Variants in ASPM observed in about 807,000 individuals in gnomAD.
ASPM encodes assembly factor for spindle microtubules.
ASPM carries 256 observed loss-of-function variants against 366.4 expected under a neutral mutation model. The observed-to-expected ratio is 0.70, with a 90% CI of 0.63 to 0.77. The LOEUF (loss-of-function observed/expected upper bound fraction) is 0.77, where lower values mean the gene tolerates loss of function less well. Among genes scored for constraint, ASPM ranks in the 30% least tolerant of loss-of-function variants. The pLI is 0.00. For synonymous variants in ASPM, 1,414 were observed against 1,342.9 expected (o/e 1.05, Z -1.16); for missense variants, 4,146 against 4,090.4 (o/e 1.01, Z -0.37).
chr1:197,122,306 T>C lies in ASPM; in HGVS notation c.3599-5A>G, dbSNP rs2125104327. On this transcript the variant is annotated splice_polypyrimidine_tract_variant and splice_region_variant and intron_variant, in intron 14 of 27. Coordinates refer to ENST00000367409, the MANE Select transcript of ASPM (RefSeq NM_018136.5). ...TGTATAGCTCTGAAGTATTTTCTAT[T>C]ATGCAGGAGGAAAGGAGAAATTAGC... The C allele has an allele frequency of 1.9e-6, 3 of 1,613,760 alleles. No homozygotes were observed. The highest frequency in any genetic ancestry group is 2.2e-5 in the East Asian group (1 of 44,858).
At chr1:197,106,566 C>T (rs770875011) in intron 17 of ASPM, among the ~76,000 whole-genome samples, 5 of 152,020 alleles carry the variant, frequency 3.3e-5, no homozygotes, top group Non-Finnish European at 7.4e-5. Flanking sequence ...ACTTTTTCTA[C>T]ATTACTATTA....
chr1:197,132,245 TA>T (rs754682512), intron 7 of ASPM, 39 bp downstream of exon 7: 10 of 1,463,422 alleles, frequency 6.8e-6, no homozygotes, highest in Non-Finnish European at 9.3e-6. Flanking sequence ...AAGTATATAA[TA>T]AAAAAATATT....
At position 197,103,417 on chromosome 1, in the gene ASPM, A is replaced by G. The variant is rs770803118; in HGVS notation, c.5834T>C (p.Ile1945Thr). ...TAGRKQCMEYIELRHAVLVLQ... is the reference protein window; with the variant it reads ...TAGRKQCMEYTELRHAVLVLQ... Reference sequence around the variant, plus strand: ...CACCAGTACCGCATGACGGAGTTCAATATACTCCATACATTGCTTCCTTCC... The same window carrying G: ...CACCAGTACCGCATGACGGAGTTCAGTATACTCCATACATTGCTTCCTTCC... Residue 1945 changes from isoleucine (I) to threonine (T), a missense_variant, in exon 18 of 28, where the codon ATT becomes ACT. Ile to Thr is a moderately conservative substitution (Grantham distance 89). Transcript: ENST00000367409. The G allele has an allele frequency of 3.1e-6, 5 of 1,613,100 alleles. No individual in the cohort carries two copies. The highest frequency in any genetic ancestry group is 4.2e-6 in the Non-Finnish European group (5 of 1,179,460).
In ASPM at chr1:197,122,056, C is replaced by G. The variant is rs1434563589; in HGVS notation, c.3742-13G>C. 6.2e-7 allele frequency: 1 copy of G among 1,610,526 alleles called. No homozygotes were observed. The highest frequency in any genetic ancestry group is 1.3e-5 in the African/African-American group (1 of 74,752). ...AGGTAATAACCACCTAAAAAAAACC[C>G]ACAAAAGATAAAAACAGAATATCAA... On this transcript the variant is annotated splice_polypyrimidine_tract_variant and intron_variant, in intron 15 of 27. Transcript: ENST00000367409.
At position 197,124,273 on chromosome 1, in the gene ASPM, G is replaced by C. The variant is rs765821387; in HGVS notation, c.3227C>G (p.Thr1076Arg). The change falls in exon 13 of 28, where the codon ACA (threonine) becomes AGA (arginine). Residue 1076 changes from threonine to arginine, a missense_variant. This residue lies in a region of ASPM where 3,624 missense variants were observed against 3,591.7 expected (regional missense o/e 1.01). Transcript: ENST00000367409. ...AGATATTGTTTTCTTTATACTCTTT[G>C]TGTGTTTTAGAAAGGCAATTTCTTC... Reference protein sequence around the residue: ...LKEEIAFLKHTKSIKKTISLL... With the variant: ...LKEEIAFLKHRKSIKKTISLL... 6.2e-7 allele frequency: 1 copy of C among 1,605,700 alleles called. No homozygotes were observed. Among genetic ancestry groups the C allele is most frequent in the South Asian group, 1.1e-5 (1 of 90,528 alleles).
At chr1:197,089,852 G>T in intron 25 of ASPM, 78 bp downstream of exon 25, 1 of 1,380,852 alleles carries the variant, frequency 7.2e-7, no homozygotes, top group Non-Finnish European at 1.0e-6. Flanking sequence ...AAGCCCTAGT[G>T]ATGAGTAAAC....
Position 197,102,774 on chromosome 1 carries a change from C to A in ASPM, c.6477G>T (p.Gln2159His). 1 of 1,612,474 alleles carries A rather than the reference C, an allele frequency of 6.2e-7. No individual in the cohort carries two copies. The highest frequency in any genetic ancestry group is 8.5e-7 in the Non-Finnish European group (1 of 1,179,190). The change falls in exon 18 of 28, where the codon CAG becomes CAT. Residue 2159 changes from glutamine (Q) to histidine (H), a missense_variant. Gln to His is a conservative substitution (Grantham distance 24). This residue lies in a region of ASPM where 3,624 missense variants were observed against 3,591.7 expected (regional missense o/e 1.01). Coordinates refer to ENST00000367409, the MANE Select transcript of ASPM (RefSeq NM_018136.5). ...RCRAYYQGKM[Q>H]REKYLTILKA... ...TCAAAATTGTCAGGTACTTTTCACG[C>A]TGCATTTTACCTTGATAATATGCTC...
chr1:197,135,396 G>C (rs1658386708), intron 4 of ASPM, among the ~76,000 whole-genome samples, 154 bp from the exon 5 acceptor site: 1 of 151,944 alleles, frequency 6.6e-6, no homozygotes, highest in South Asian at 2.1e-4. Flanking sequence ...AAGCATTTTG[G>C]GTAAGAAATG....
Position 197,101,639 on chromosome 1 carries a change from G to A in ASPM, c.7612C>T (p.Gln2538Ter), listed in dbSNP as rs587783268. The A allele has an allele frequency of 6.2e-7, 1 of 1,611,798 alleles. No individual in the cohort carries two copies. The highest frequency in any genetic ancestry group is 8.5e-7 in the Non-Finnish European group (1 of 1,179,080). ...GCTTTCATTCCTTTATATGCAGCCT[G>A]AATAACCACAGCAGAATGCCATTGT... ...IRQWHSAVVI[Q>*]AAYKGMKARQ... is the part of the protein sequence containing the mutation. The change falls in exon 18 of 28, where the codon CAG becomes TAG. Residue 2538 changes from glutamine to a stop codon, truncating the protein, a stop_gained. Transcript: ENST00000367409. LOFTEE classifies it high-confidence loss of function.
In ASPM at chr1:197,142,351, A is replaced by T; in HGVS notation, c.1901T>A (p.Leu634Ter). 6.2e-7 allele frequency: 1 copy of T among 1,613,764 alleles called. No homozygotes were observed. Among genetic ancestry groups the T allele is most frequent in the Non-Finnish European group, 8.5e-7 (1 of 1,179,730 alleles). ...CTCACCAGTTTTCTTCTTCAGGTTT[A>T]ATTTCTCTCTGTTGCTAATACGTTT... is the stretch of plus-strand genomic sequence containing the variant. ...ISKRISNREK[L>*]NLKKKTDLSI... is the part of the protein sequence containing the mutation. Residue 634 changes from leucine (L) to a stop codon, truncating the protein, a stop_gained, in exon 3 of 28, where the codon TTA (leucine) becomes TAA (stop). Transcript: ENST00000367409. LOFTEE classifies it high-confidence loss of function.
rs758203644 is a variant in ASPM at position 197,146,221 on chromosome 1, C to T, written c.217G>A (p.Glu73Lys). Reference sequence around the variant, plus strand: ...TGGGAGATCTTCACTTCTGCCACCTCCTCGTTAGGGTTGTCTAGGGCCAGA... The same window carrying T: ...TGGGAGATCTTCACTTCTGCCACCTTCTCGTTAGGGTTGTCTAGGGCCAGA... ...LSLALDNPNE[E>K]VAEVKISHFP... is the part of the protein sequence containing the mutation. Residue 73 changes from glutamate to lysine, a missense_variant, in exon 1 of 28, where the codon GAG becomes AAG. Transcript: ENST00000367409. 9 of 1,614,022 alleles carry T rather than the reference C, an allele frequency of 5.6e-6. No homozygotes were observed. Among genetic ancestry groups the T allele is most frequent in the Non-Finnish European group, 7.6e-6 (9 of 1,180,040 alleles).
chr1:197,100,420 TATAGAA>T lies in ASPM; in HGVS notation c.8820+5_8820+10del. The stretch of plus-strand genomic sequence containing the variant: ...CTCACAGTTTTATATTTAAATTAAA[TATAGAA>T]ATACCTGAATTTTTATGGTGCTATT... On this transcript the variant is annotated splice_donor_5th_base_variant and intron_variant, in intron 18 of 27. Coordinates refer to ENST00000367409, the MANE Select transcript of ASPM (RefSeq NM_018136.5). 6.9e-7 allele frequency: 1 copy of T among 1,447,030 alleles called. No homozygotes were observed. The highest frequency in any genetic ancestry group is 9.4e-7 in the Non-Finnish European group (1 of 1,069,246). The allele number at this position is 1,447,030 out of a possible 1,614,324, so 89.6% of individuals were successfully genotyped here.
intron 17 of ASPM, 60 bp downstream of exon 17, chr1:197,117,726 CCTT>C: frequency 2.2e-6 from 3 of 1,380,692 alleles, no homozygotes; most frequent in Non-Finnish European, 2.0e-6. Context: ...TCACATTTTG[CCTT>C]CTTACTTAAA....
In ASPM at chr1:197,089,970, A is replaced by G. The variant is rs781672198; in HGVS notation, c.9944T>C (p.Val3315Ala). 6.2e-7 allele frequency: 1 copy of G among 1,613,442 alleles called. No homozygotes were observed. Among genetic ancestry groups the G allele is most frequent in the Admixed American group, 1.7e-5 (1 of 59,976 alleles). Residue 3315 changes from valine (V) to alanine (A), a missense_variant, in exon 25 of 28, where the codon GTC becomes GCC. By Grantham distance (64) the Val-to-Ala change is moderately conservative (BLOSUM62 0). Around this residue, in one of 3 missense-constraint regions of ASPM, gnomAD observed 3,624 missense variants for 3,591.7 expected, o/e 1.01. Transcript: ENST00000367409. ...SCNRSIPCME[V>A]IRYAVQVLLN... The stretch of plus-strand genomic sequence containing the variant: ...CAAGACTTGCACAGCATATCTGATG[A>G]CTTCCATACAAGGAATACTGCGATT...
chr1:197,105,737 C>A (rs1009602975), intron 17 of ASPM, among the ~76,000 whole-genome samples: 1 of 151,920 alleles, frequency 6.6e-6, no homozygotes, highest in East Asian at 1.9e-4. Context: ...TTCCTTTTCC[C>A]AAATTTAGGA....
chr1:197,101,072 T>G lies in ASPM; in HGVS notation c.8179A>C (p.Arg2727=). 1.2e-6 allele frequency: 2 copies of G among 1,611,658 alleles called. No individual in the cohort carries two copies. The highest frequency in any genetic ancestry group is 1.7e-6 in the Non-Finnish European group (2 of 1,178,768). Residue 2727 remains arginine, a synonymous_variant, in exon 18 of 28, where the codon AGA becomes CGA. Coordinates refer to ENST00000367409, the MANE Select transcript of ASPM (RefSeq NM_018136.5). ...AAGTTTTTTCTTTCTGTTTTTACTCTAACATACAACCTATAATAATTCTGT... is the reference window on the plus strand; with the variant it reads ...AAGTTTTTTCTTTCTGTTTTTACTCGAACATACAACCTATAATAATTCTGT... ...VIQNYYRLYV[R]VKTERKNFLA...
chr1:197,088,604 G>T (rs116012587), intron 25 of ASPM, among the ~76,000 whole-genome samples, 172 bp from the exon 26 acceptor site: 3 of 151,860 alleles, frequency 2.0e-5, no homozygotes, highest in African/African-American at 7.3e-5. Flanking sequence ...CATTATTTAC[G>T]GATCTATCAT....
chr1:197,123,365 C>T (rs1438010188), intron 13 of ASPM, among the ~76,000 whole-genome samples: 1 of 152,170 alleles, frequency 6.6e-6, no homozygotes, highest in Non-Finnish European at 1.5e-5. Flanking sequence ...GGCATTCACA[C>T]ACGTCAATAA....
chr1:197,131,571 GAGA>G (rs927097441), intron 7 of ASPM, among the ~76,000 whole-genome samples: 30 of 122,984 alleles, frequency 2.4e-4, no homozygotes, highest in African/African-American at 8.2e-4. Flanking sequence ...TTTTTTTTTT[GAGA>G]AGGAGTCTCG....
Sources: allele counts gnomAD v4.1 joint callset (sites outside exome capture counted in the v4.1 genomes callset), GRCh38; gene constraint gnomAD v4.1.1; regional missense constraint gnomAD v4.1.1; transcripts MANE v1.5; gene names NCBI Gene and HGNC (gene_info 2026-07-23, HGNC 2026-07-21).